The following BRINP1 variants were observed in gnomAD, a reference collection of about 807,000 sequenced individuals.
The protein encoded by BRINP1 is BMP/retinoic acid inducible neural specific 1.
A neutral mutation model predicts 72.9 loss-of-function variants in BRINP1; 17 were observed. The ratio of observed to expected loss-of-function variants is 0.23; its 90% confidence interval spans 0.16 to 0.35. The LOEUF (loss-of-function observed/expected upper bound fraction) is 0.35, where lower values mean the gene tolerates loss of function less well. Ranked by LOEUF, BRINP1 falls within the 10% of genes least tolerant of loss-of-function variation. The pLI is 1.00. For missense variants in BRINP1, 850 were observed against 1,001.6 expected, an observed-to-expected ratio of 0.85 and a Z score of 2.04; for synonymous variants, 418 against 378.5, an observed-to-expected ratio of 1.10 and a Z score of -1.21.
chr9:119,307,529 TTTTCCATCACAAACCAG>T (rs1831011440), intron 2 of BRINP1, among the ~76,000 whole-genome samples: 1 of 152,136 alleles, frequency 6.6e-6, no homozygotes, highest in Non-Finnish European at 1.5e-5. Context: ...CTGATAATTT[TTTTCCATCACAAACCAG>T]GAGGTAGATT....
chr9:119,239,831 T>C (rs562789492), intron 4 of BRINP1, among the ~76,000 whole-genome samples: 1 of 152,294 alleles, frequency 6.6e-6, no homozygotes, highest in South Asian at 2.1e-4. Context: ...CGTTTTGTTT[T>C]ACAAATAATT....
chr9:119,353,577 T>C (rs1831526084), intron 1 of BRINP1, among the ~76,000 whole-genome samples: 1 of 152,098 alleles, frequency 6.6e-6, no homozygotes, highest in South Asian at 2.1e-4. Flanking sequence ...AAAAATATCA[T>C]CATGAGAAAT....
At chr9:119,204,567 G>C (rs1036170888) in intron 7 of BRINP1, among the ~76,000 whole-genome samples, 1 of 152,136 alleles carries the variant, frequency 6.6e-6, no homozygotes, top group African/African-American at 2.4e-5. Flanking sequence ...ACTGTAGTGA[G>C]GAAGAAATTA....
intron 6 of BRINP1, among the ~76,000 whole-genome samples, chr9:119,209,547 AC>A (rs1289016637): frequency 1.2e-4 from 18 of 152,200 alleles, no homozygotes; most frequent in African/African-American, 4.3e-4. Context: ...AGCCTGGGCA[AC>A]AGAGCAAGAC....
intron 2 of BRINP1, among the ~76,000 whole-genome samples, chr9:119,305,111 T>C (rs1830981933): frequency 6.6e-6 from 1 of 152,220 alleles, no homozygotes; most frequent in Non-Finnish European, 1.5e-5. Flanking sequence ...ATAAATGAAT[T>C]GTAAAGGAAC....
At chr9:119,187,769 A>C (rs1367301637) in intron 7 of BRINP1, among the ~76,000 whole-genome samples, 2 of 152,320 alleles carry the variant, frequency 1.3e-5, no homozygotes, top group Non-Finnish European at 2.9e-5. Context: ...GATCTTTAAA[A>C]ACAAAACTCA....
At chr9:119,289,978 G>A (rs1344144122) in intron 2 of BRINP1, among the ~76,000 whole-genome samples, 5 of 152,206 alleles carry the variant, frequency 3.3e-5, no homozygotes, top group South Asian at 4.1e-4. Flanking sequence ...CCTACTGGCT[G>A]ATTCACCTGC....
chr9:119,319,486 A>G (rs1197961548), intron 1 of BRINP1, among the ~76,000 whole-genome samples: 5 of 152,216 alleles, frequency 3.3e-5, no homozygotes, highest in African/African-American at 1.2e-4. Flanking sequence ...GGATGAGTAC[A>G]TATGTTACCC....
intron 7 of BRINP1, among the ~76,000 whole-genome samples, chr9:119,169,333 G>C (rs1056352495): frequency 2.6e-5 from 4 of 152,232 alleles, no homozygotes; most frequent in Admixed American, 1.3e-4. Context: ...CAAGGGGTCA[G>C]GGAGTTCCCT....
At chr9:119,226,695 A>G (rs1830096035) in intron 5 of BRINP1, among the ~76,000 whole-genome samples, 1 of 151,894 alleles carries the variant, frequency 6.6e-6, no homozygotes, top group African/African-American at 2.4e-5. Flanking sequence ...CCGGTTATAG[A>G]TCCATTTCAG....
At chr9:119,367,314 C>A (rs566220227) in intron 1 of BRINP1, among the ~76,000 whole-genome samples, 168 of 148,632 alleles carry the variant, frequency 1.1e-3, no homozygotes, top group Middle Eastern at 3.4e-3. Flanking sequence ...GAGGGCTTTT[C>A]AGCGGCCCCT....
chr9:119,171,653 C>G (rs1829411913), intron 7 of BRINP1, among the ~76,000 whole-genome samples: 2 of 105,552 alleles, frequency 1.9e-5, no homozygotes, highest in Admixed American at 2.1e-4. Context: ...CTACAGAACT[C>G]TCCACCCCAA....
intron 7 of BRINP1, among the ~76,000 whole-genome samples, chr9:119,202,349 T>G (rs187774705): frequency 2.0e-5 from 3 of 152,314 alleles, no homozygotes; most frequent in Non-Finnish European, 2.9e-5. Flanking sequence ...CCCATCCTGA[T>G]GTGTTTGGCT....
chr9:119,199,231 C>T (rs540444582), intron 7 of BRINP1, among the ~76,000 whole-genome samples: 3 of 152,106 alleles, frequency 2.0e-5, no homozygotes, highest in African/African-American at 7.2e-5. Flanking sequence ...AAGCCATATC[C>T]CTCCGCCCCA....
intron 7 of BRINP1, among the ~76,000 whole-genome samples, chr9:119,190,603 A>AG (rs1829673755): frequency 1.3e-5 from 2 of 152,124 alleles, no homozygotes; most frequent in African/African-American, 4.8e-5. Context: ...TGAATCAGGA[A>AG]GAAAAAGAAA....
At chr9:119,367,221 G>GTGATATATAT (rs1564259756) in intron 1 of BRINP1, among the ~76,000 whole-genome samples, 1,753 of 99,860 alleles carry the variant, frequency 0.018, 73 homozygotes, top group Non-Finnish European at 0.026. Context: ...GTGTGTGATT[G>GTGATATATAT]ATATATATAT....
intron 6 of BRINP1, among the ~76,000 whole-genome samples, chr9:119,209,790 T>C (rs2118872537): frequency 6.6e-6 from 1 of 152,346 alleles, no homozygotes; most frequent in South Asian, 2.1e-4. Context: ...AAAGGCATGC[T>C]AGCACCAAAC....
chr9:119,239,757 AG>A (rs1318148422), intron 4 of BRINP1, among the ~76,000 whole-genome samples: 3 of 152,198 alleles, frequency 2.0e-5, no homozygotes, highest in Non-Finnish European at 2.9e-5. Context: ...ATATTTTTGA[AG>A]GGTTTAGCAC....
intron 1 of BRINP1, among the ~76,000 whole-genome samples, chr9:119,321,091 C>T (rs1032132908): frequency 5.3e-5 from 8 of 152,134 alleles, no homozygotes; most frequent in African/African-American, 1.9e-4. Context: ...CCACTGTGCC[C>T]GGCTAATTTT....
Sources: allele counts gnomAD v4.1 joint callset (sites outside exome capture counted in the v4.1 genomes callset), GRCh38; gene constraint gnomAD v4.1.1; transcripts MANE v1.5; gene names NCBI Gene and HGNC (gene_info 2026-07-23, HGNC 2026-07-21).